Variants in FGF6 observed in about 807,000 individuals in gnomAD.
FGF6 encodes the protein fibroblast growth factor 6.
Under a neutral mutation model 18.4 loss-of-function variants are expected in FGF6, and 14 were observed. The observed-to-expected ratio is 0.76, with a 90% CI of 0.50 to 1.19. The LOEUF (loss-of-function observed/expected upper bound fraction) is 1.19. Among genes scored for constraint, FGF6 ranks in the 50% most tolerant of loss-of-function variants. FGF6 has a pLI of 0.00. For missense variants in FGF6, 266 were observed against 271.6 expected, an observed-to-expected ratio of 0.98 and a Z score of 0.15; for synonymous variants, 125 against 116.7, an observed-to-expected ratio of 1.07 and a Z score of -0.46.
chr12:4,442,023 T>C (rs576362636), intron 2 of FGF6, among the ~76,000 whole-genome samples: 1 of 150,606 alleles, frequency 6.6e-6, no homozygotes, highest in East Asian at 2.0e-4. Flanking sequence ...AGAATCTCCC[T>C]CCCTGGAGAA....
Position 4,445,705 on chromosome 12 carries a change from C to T in FGF6, c.-135G>A, listed in dbSNP as rs966280032. The T allele has an allele frequency of 5.5e-6, 4 of 731,500 alleles. No homozygotes were observed. In the Admixed American group the frequency reaches 8.8e-5, roughly 16 times the overall value. The allele number at this position is 731,500 out of a possible 1,614,324, so 45.3% of individuals were successfully genotyped here. On this transcript the variant is annotated 5_prime_UTR_variant, in exon 1 of 3. Coordinates refer to ENST00000228837, the MANE Select transcript of FGF6 (RefSeq NM_020996.3). This position sits in a 1 kb window ranked among gnomAD's most constrained non-coding sequence, Gnocchi z 5.5. The stretch of plus-strand genomic sequence containing the variant: ...GAAGGCTGCTGACATGAAACCAAAG[C>T]CTCCATCGGGCACTCGGGTTGAGAG...
At chr12:4,443,788 C>T (rs17177214) in intron 2 of FGF6, among the ~76,000 whole-genome samples, 1,951 of 152,288 alleles carry the variant, frequency 0.013, 53 homozygotes, top group African/African-American at 0.045. Context: ...GACTTGCTCT[C>T]GGGGCCTCGC....
rs546586783 is a variant in FGF6 at position 4,440,352 on chromosome 12, G to A, written c.450+3781C>T. 2.0e-5 allele frequency among the ~76,000 whole-genome samples: 3 copies of A among 152,324 alleles called. 1 individual carries two copies. The highest frequency in any genetic ancestry group is 7.2e-5 in the African/African-American group (3 of 41,576). The stretch of plus-strand genomic sequence containing the variant: ...GCCACCCTCTCGCCTTTAGAGCTAA[G>A]TCACTTGGACCAACGAGGATCTAAT... On this transcript the variant is annotated intron_variant, in intron 2 of 2. Coordinates refer to ENST00000228837, the MANE Select transcript of FGF6 (RefSeq NM_020996.3).
Position 4,444,219 on chromosome 12 carries a change from T to G in FGF6, c.364A>C (p.Thr122Pro). Reference sequence around the variant, plus strand: ...AGACTCACCACGCCTCGCTCCACAGTGGAAATTTCCAGCAGGCCTGACAAG... The same window carrying G: ...AGACTCACCACGCCTCGCTCCACAGGGGAAATTTCCAGCAGGCCTGACAAG... ...ENPYSLLEISTVERGVVSLFG... is the reference protein window; with the variant it reads ...ENPYSLLEISPVERGVVSLFG... The change falls in exon 2 of 3, where the codon ACT (threonine) becomes CCT (proline). Residue 122 changes from threonine (T) to proline (P), a missense_variant. By Grantham distance (38) the Thr-to-Pro change is conservative. Coordinates refer to ENST00000228837, the MANE Select transcript of FGF6 (RefSeq NM_020996.3). 6.2e-7 allele frequency: 1 copy of G among 1,613,180 alleles called. No homozygotes were observed.
At chr12:4,435,801 T>G (rs1335240851) in intron 2 of FGF6, among the ~76,000 whole-genome samples, 2 of 152,124 alleles carry the variant, frequency 1.3e-5, no homozygotes, top group Non-Finnish European at 2.9e-5. Context: ...ACAGATTCAT[T>G]CCCAGTACAT....
rs190299155 is a variant in FGF6, at chr12:4,436,037, C to T, written c.451-1646G>A. Among the ~76,000 whole-genome samples, 7 of 152,220 alleles carry T rather than the reference C, an allele frequency of 4.6e-5. No individual in the cohort carries two copies. In the East Asian group the frequency reaches 9.7e-4, roughly 21 times the overall value. The stretch of plus-strand genomic sequence containing the variant: ...TCTTGCTTGAGTATAAAAAAAAACC[C>T]GCTCGATGGCTACTGGGCTGTGCCA... On this transcript the variant is annotated intron_variant, in intron 2 of 2. Coordinates refer to ENST00000228837, the MANE Select transcript of FGF6 (RefSeq NM_020996.3).
intron 2 of FGF6, among the ~76,000 whole-genome samples, chr12:4,435,597 A>G (rs767383451): frequency 6.6e-6 from 1 of 152,154 alleles, no homozygotes; most frequent in Non-Finnish European, 1.5e-5. Flanking sequence ...AGGAATTTTT[A>G]TGGGGAAAAG....
intron 2 of FGF6, among the ~76,000 whole-genome samples, chr12:4,438,751 C>CAA (rs386375443): frequency 0.66 from 26,273 of 39,646 alleles, 11,083 homozygotes; most frequent in East Asian, 0.79. Flanking sequence ...GACTCTATCT[C>CAA]AAAAAAAAAA....
Position 4,434,430 on chromosome 12 carries a change from A to G in FGF6, c.451-39T>C, listed in dbSNP as rs1865605320. On this transcript the variant is annotated intron_variant, in intron 2 of 2. Coordinates refer to ENST00000228837, the MANE Select transcript of FGF6 (RefSeq NM_020996.3). ...GGGCAAACAGCAGAGACTGGGTTACAAATGAGGAGTGCTGCAGATGCCAGC... is the reference window on the plus strand; with the variant it reads ...GGGCAAACAGCAGAGACTGGGTTACGAATGAGGAGTGCTGCAGATGCCAGC... 8 of 1,608,240 alleles carry G rather than the reference A, an allele frequency of 5.0e-6. No homozygotes were observed. The African/African-American group carries it at 5.3e-5, about 11-fold the overall frequency.
At chr12:4,435,653 A>G (rs1287365006) in intron 2 of FGF6, among the ~76,000 whole-genome samples, 2 of 152,164 alleles carry the variant, frequency 1.3e-5, no homozygotes, top group Non-Finnish European at 2.9e-5. Context: ...GCCTGGGACC[A>G]ACAAAAAAAT....
intron 2 of FGF6, among the ~76,000 whole-genome samples, chr12:4,442,618 C>G (rs772664026): frequency 5.3e-5 from 8 of 152,234 alleles, no homozygotes; most frequent in Non-Finnish European, 1.0e-4. Flanking sequence ...TCTCCCGACC[C>G]TATGGGCTTC....
In FGF6 at chr12:4,445,159, T is replaced by C. The variant is rs980233390; in HGVS notation, c.346+66A>G. On this transcript the variant is annotated intron_variant, in intron 1 of 2. Coordinates refer to ENST00000228837, the MANE Select transcript of FGF6 (RefSeq NM_020996.3). The surrounding 1 kb of genome is among the most constrained non-coding windows in gnomAD (Gnocchi z 5.5). ...ATCCTGTCCGCTAGAGCAGGGCCCCTTCACCTTTTAGCCCTGCATGAGCCC... is the reference window on the plus strand; with the variant it reads ...ATCCTGTCCGCTAGAGCAGGGCCCCCTCACCTTTTAGCCCTGCATGAGCCC... 2.7e-5 allele frequency: 37 copies of C among 1,360,402 alleles called. No homozygotes were observed. The highest frequency in any genetic ancestry group is 3.6e-5 in the Non-Finnish European group (36 of 988,728). The allele number at this position is 1,360,402 out of a possible 1,614,324, so 84.3% of individuals were successfully genotyped here. A position where few individuals can be genotyped will look rare whatever the true frequency, so the allele number is the denominator to read the frequency against.
At position 4,434,301 on chromosome 12, in the gene FGF6, T is replaced by C. The variant is rs1337930478; in HGVS notation, c.541A>G (p.Ile181Val). 1 of 1,614,148 alleles carries C rather than the reference T, an allele frequency of 6.2e-7. No individual in the cohort carries two copies. Among genetic ancestry groups the C allele is most frequent in the Non-Finnish European group, 8.5e-7 (1 of 1,180,010 alleles). Reference protein sequence around the residue: ...YESDLYQGTYIALSKYGRVKR... With the variant: ...YESDLYQGTYVALSKYGRVKR... ...ACCCGTCCGTATTTGCTCAGGGCAATGTAGGTCCCTTGGTACAAGTCTGAC... is the reference window on the plus strand; with the variant it reads ...ACCCGTCCGTATTTGCTCAGGGCAACGTAGGTCCCTTGGTACAAGTCTGAC... Residue 181 changes from isoleucine (I) to valine (V), a missense_variant, in exon 3 of 3, where the codon ATT becomes GTT. Physicochemically the swap from Ile to Val is conservative, Grantham distance 29. Transcript: ENST00000228837.
intron 2 of FGF6, among the ~76,000 whole-genome samples, chr12:4,435,830 T>C (rs17183737): frequency 0.01 from 1,539 of 152,260 alleles, 26 homozygotes; most frequent in African/African-American, 0.035. Context: ...GTCCTCCTCT[T>C]TCCTCTGCAA....
In FGF6 at chr12:4,434,206, T is replaced by C; in HGVS notation, c.*9A>G. On this transcript the variant is annotated 3_prime_UTR_variant, in exon 3 of 3. Transcript: ENST00000228837. Reference sequence around the variant, plus strand: ...TGCTTTAAATCTGTGAGCCTTCTTTTGTGGGTCCTTAGATCCTGGGAAGGA... The same window carrying C: ...TGCTTTAAATCTGTGAGCCTTCTTTCGTGGGTCCTTAGATCCTGGGAAGGA... 3 of 1,613,480 alleles carry C rather than the reference T, an allele frequency of 1.9e-6. No homozygotes were observed. Among genetic ancestry groups the C allele is most frequent in the Admixed American group, 1.7e-5 (1 of 60,000 alleles).
intron 2 of FGF6, among the ~76,000 whole-genome samples, chr12:4,437,968 A>G (rs1865644272): frequency 6.6e-6 from 1 of 152,204 alleles, no homozygotes; most frequent in Non-Finnish European, 1.5e-5. Context: ...CTTCTACTTG[A>G]AAAATATTAC....
chr12:4,436,763 ATCT>A (rs927152222), intron 2 of FGF6, among the ~76,000 whole-genome samples: 3 of 152,216 alleles, frequency 2.0e-5, no homozygotes, highest in South Asian at 2.1e-4. Context: ...TGTTTTCCCC[ATCT>A]TCTTCTCTCA....
In FGF6 at chr12:4,445,381, CG is replaced by C. The variant is rs1315301284; in HGVS notation, c.189del (p.Leu65Ter). 6 of 1,613,834 alleles carry C rather than the reference CG, an allele frequency of 3.7e-6. No homozygotes were observed. In the African/African-American group the frequency reaches 6.7e-5, roughly 18 times the overall value. On this transcript the variant is annotated frameshift_variant, in exon 1 of 3. Transcript: ENST00000228837. LOFTEE classifies it high-confidence loss of function. The surrounding 1 kb of genome is among the most constrained non-coding windows in gnomAD (Gnocchi z 5.5). ...ACCCCGGCAATCTCTCCAGCTAGCC[CG>C]GCGCGAGACCTGGACAGCAGGGTGC... ...GWGTLLSRSR[A>X]GLAGEIAGVN...
At chr12:4,444,692 C>G (rs1046327336) in intron 1 of FGF6, among the ~76,000 whole-genome samples, 2 of 152,202 alleles carry the variant, frequency 1.3e-5, no homozygotes, top group Admixed American at 1.3e-4. Context: ...CTGCAGCCCC[C>G]ATCCTTTCTT....
Sources: gnomAD v4.1 joint callset for allele counts (sites outside exome capture counted in the v4.1 genomes callset) on GRCh38, gnomAD v4.1.1 for gene constraint, Gnocchi (gnomAD v3.1) non-coding constraint, MANE v1.5 for transcripts, NCBI Gene and HGNC (gene_info 2026-07-23, HGNC 2026-07-21) for gene names.